The following SLC9C1 variants were observed in gnomAD, a reference collection of about 807,000 sequenced individuals.
SLC9C1 encodes sodium/hydrogen exchanger 10.
SLC9C1 carries 97 observed loss-of-function variants against 140.9 expected under a neutral mutation model. The ratio of observed to expected loss-of-function variants is 0.69; its 90% CI spans 0.58 to 0.82. The LOEUF is 0.82. Ranked by LOEUF, SLC9C1 falls within the 40% of genes least tolerant of loss-of-function variation. The probability of loss-of-function intolerance (pLI) is 0.00; values close to 1 mark genes in which losing one functional copy is unlikely to be tolerated. For missense variants in SLC9C1, 1,340 were observed against 1,389.3 expected (o/e 0.96, Z 0.56); for synonymous variants, 440 against 442.6 (o/e 0.99, Z 0.07).
chr3:112,266,326 T>C lies in SLC9C1; in HGVS notation c.790A>G (p.Met264Val), dbSNP rs2079918353. ...ATGGCCAGAGTAAATATTCCTGACATTCCAACTAACTCACCTATTTTTAAA... is the reference window on the plus strand; with the variant it reads ...ATGGCCAGAGTAAATATTCCTGACACTCCAACTAACTCACCTATTTTTAAA... ...LIFYICELVG[M>V]SGIFTLAIVG... is the part of the protein sequence containing the mutation. The change falls in exon 8 of 29, where the codon ATG becomes GTG. Residue 264 changes from methionine to valine, a missense_variant. By Grantham distance (21) the Met-to-Val change is conservative. Transcript: ENST00000305815. The C allele has an allele frequency of 1.2e-6, 2 of 1,605,888 alleles. No homozygotes were observed. Among genetic ancestry groups the C allele is most frequent in the Non-Finnish European group, 1.7e-6 (2 of 1,176,752 alleles).
At chr3:112,166,375 G>A (rs1017191262) in intron 26 of SLC9C1, among the ~76,000 whole-genome samples, 1 of 152,222 alleles carries the variant, frequency 6.6e-6, no homozygotes, top group African/African-American at 2.4e-5. Context: ...GCTGGGAGCT[G>A]TAGATTGGAG....
At chr3:112,185,674 T>C (rs1351706826) in intron 20 of SLC9C1, 5 of 1,552,232 alleles carry the variant, frequency 3.2e-6, no homozygotes, top group Non-Finnish European at 4.4e-6. Context: ...GGGCGGGTGC[T>C]CCGGAGGCGT....
chr3:112,242,185 G>C (rs536567068), intron 11 of SLC9C1, among the ~76,000 whole-genome samples: 1 of 152,230 alleles, frequency 6.6e-6, no homozygotes, highest in South Asian at 2.1e-4. Context: ...GAATAGATTA[G>C]CAAACTATAC....
At chr3:112,286,525 C>T (rs545807351) in intron 2 of SLC9C1, among the ~76,000 whole-genome samples, 179 bp downstream of exon 2, 88 of 152,316 alleles carry the variant, frequency 5.8e-4, no homozygotes, top group African/African-American at 1.9e-3. Context: ...TCAGATTCTA[C>T]ACGTCTCTCC....
Position 112,141,215 on chromosome 3 carries a change from A to T in SLC9C1, c.*57T>A. On this transcript the variant is annotated 3_prime_UTR_variant, in exon 29 of 29. Transcript: ENST00000305815. ...TTGATGTAGGGAAGTGTGTTTCTGCAGCAGGAGGCCTCTCATAGCCACAGC... is the reference window on the plus strand; with the variant it reads ...TTGATGTAGGGAAGTGTGTTTCTGCTGCAGGAGGCCTCTCATAGCCACAGC... 6.7e-7 allele frequency: 1 copy of T among 1,499,380 alleles called. No homozygotes were observed. Among genetic ancestry groups the T allele is most frequent in the South Asian group, 1.4e-5 (1 of 72,960 alleles). The allele number at this position is 1,499,380 out of a possible 1,614,324, so 92.9% of individuals were successfully genotyped here.
intron 22 of SLC9C1, among the ~76,000 whole-genome samples, chr3:112,180,330 T>C (rs1044339703): frequency 5.9e-5 from 9 of 152,174 alleles, no homozygotes; most frequent in Non-Finnish European, 1.2e-4. Context: ...GAGACCAGCC[T>C]GGCTAACACG....
intron 1 of SLC9C1, among the ~76,000 whole-genome samples, chr3:112,292,383 TA>T (rs1373711259): frequency 6.6e-6 from 1 of 152,224 alleles, no homozygotes; most frequent in Non-Finnish European, 1.5e-5. Context: ...GCATATGTGA[TA>T]AATACCATTT....
intron 26 of SLC9C1, among the ~76,000 whole-genome samples, chr3:112,164,044 T>C (rs985826725): frequency 1.3e-5 from 2 of 152,114 alleles, no homozygotes; most frequent in African/African-American, 4.8e-5. Flanking sequence ...CTTTGTCTCT[T>C]TTGATCTTTG....
At chr3:112,147,395 A>C (rs1019710411) in intron 28 of SLC9C1, 7 of 263,510 alleles carry the variant, frequency 2.7e-5, no homozygotes, top group Non-Finnish European at 4.7e-5. Flanking sequence ...AGGTATGTAC[A>C]TGGGTGAGTT....
chr3:112,215,391 G>T (rs565005286), intron 15 of SLC9C1, among the ~76,000 whole-genome samples: 17 of 152,016 alleles, frequency 1.1e-4, no homozygotes, highest in Non-Finnish European at 1.5e-4. Flanking sequence ...ATAAAGGGTA[G>T]TCAATTAGGA....
intron 12 of SLC9C1, among the ~76,000 whole-genome samples, chr3:112,237,448 C>T (rs896017756): frequency 6.6e-6 from 1 of 152,094 alleles, no homozygotes; most frequent in Non-Finnish European, 1.5e-5. Context: ...AGCATTTAGC[C>T]CATTTACATT....
intron 13 of SLC9C1, among the ~76,000 whole-genome samples, chr3:112,224,025 G>A (rs2078612486): frequency 6.6e-6 from 1 of 152,146 alleles, no homozygotes; most frequent in African/African-American, 2.4e-5. Flanking sequence ...CAAAGTAGTA[G>A]CACCTGAGAA....
intron 10 of SLC9C1, among the ~76,000 whole-genome samples, chr3:112,244,861 T>A (rs2108233561): frequency 6.6e-6 from 1 of 152,320 alleles, no homozygotes; most frequent in African/African-American, 2.4e-5. Flanking sequence ...TTTAAGATAT[T>A]GGTACTCAGG....
intron 11 of SLC9C1, among the ~76,000 whole-genome samples, chr3:112,242,678 A>G (rs1024859930): frequency 1.3e-4 from 20 of 152,226 alleles, no homozygotes; most frequent in Non-Finnish European, 2.2e-4. Flanking sequence ...CTAAAAGAGC[A>G]CAATTGGATT....
At chr3:112,264,430 C>T in intron 8 of SLC9C1, 87 bp from the exon 9 acceptor site, 2 of 704,060 alleles carry the variant, frequency 2.8e-6, no homozygotes, top group African/African-American at 1.9e-5. Flanking sequence ...AATCATTGTG[C>T]TAATGATTAC....
chr3:112,166,352 C>G (rs887027895), intron 26 of SLC9C1, among the ~76,000 whole-genome samples: 1 of 152,210 alleles, frequency 6.6e-6, no homozygotes, highest in African/African-American at 2.4e-5. Flanking sequence ...CACCCGTCTT[C>G]TGCGTCACTC....
At chr3:112,200,337 G>C (rs766016405) in intron 19 of SLC9C1, among the ~76,000 whole-genome samples, 2 of 152,074 alleles carry the variant, frequency 1.3e-5, no homozygotes, top group Non-Finnish European at 2.9e-5. Flanking sequence ...TTAAATGGCA[G>C]CTCTGTGGCA....
intron 20 of SLC9C1, among the ~76,000 whole-genome samples, chr3:112,196,520 G>T (rs2077771633): frequency 6.6e-6 from 1 of 151,908 alleles, no homozygotes. Context: ...ATATTGGTCT[G>T]CTTCAGGTGT....
At chr3:112,270,490 A>G (rs536744586) in intron 6 of SLC9C1, among the ~76,000 whole-genome samples, 1 of 152,298 alleles carries the variant, frequency 6.6e-6, no homozygotes, top group Admixed American at 6.5e-5. Context: ...CCTAATGTTT[A>G]GTGATGCTGA....
Sources: allele counts gnomAD v4.1 joint callset (sites outside exome capture counted in the v4.1 genomes callset), GRCh38; gene constraint gnomAD v4.1.1; transcripts MANE v1.5; gene names NCBI Gene and HGNC (gene_info 2026-07-23, HGNC 2026-07-21).